Variants in FBLN5 observed in about 807,000 individuals in gnomAD.
FBLN5 encodes fibulin 5, also known as fibulin-5.
A neutral mutation model predicts 61.6 loss-of-function variants in FBLN5; 24 were observed. The ratio of observed to expected loss-of-function variants is 0.39; its 90% confidence interval spans 0.28 to 0.55. The LOEUF is 0.55. Ranked by LOEUF, FBLN5 falls within the 20% of genes least tolerant of loss-of-function variation. The probability of loss-of-function intolerance (pLI) is 0.65; values close to 1 mark genes in which losing one functional copy is unlikely to be tolerated. For missense variants in FBLN5, 470 were observed against 594.1 expected, an observed-to-expected ratio of 0.79 and a Z score of 2.17; for synonymous variants, 213 against 219.8, an observed-to-expected ratio of 0.97 and a Z score of 0.27.
chr14:91,924,881 C>T (rs1186540304), intron 4 of FBLN5, among the ~76,000 whole-genome samples: 2 of 152,174 alleles, frequency 1.3e-5, no homozygotes, highest in Admixed American at 6.5e-5. Flanking sequence ...GAGAAGGCCA[C>T]CCCTCACTCA....
chr14:91,884,750 G>A (rs1314457540), intron 7 of FBLN5, among the ~76,000 whole-genome samples: 1 of 152,260 alleles, frequency 6.6e-6, no homozygotes, highest in Non-Finnish European at 1.5e-5. Context: ...AAGCACCCAA[G>A]CAGGGTTAGC....
chr14:91,874,056 G>C (rs1426758389), intron 10 of FBLN5: 2 of 152,214 alleles, frequency 1.3e-5, no homozygotes, highest in East Asian at 3.9e-4. Context: ...TTATGAATGG[G>C]CTTGTGTGTG....
chr14:91,900,773 TGCCAGCCTGACTGCCTGGCA>T (rs779696641), intron 4 of FBLN5, among the ~76,000 whole-genome samples: 76 of 152,214 alleles, frequency 5.0e-4, no homozygotes, highest in Non-Finnish European at 9.4e-4. Flanking sequence ...GGAGCACAGG[TGCCAGCCTGACTGCCTGGCA>T]CATAGCTCCC....
intron 3 of FBLN5, among the ~76,000 whole-genome samples, chr14:91,938,639 T>C (rs1183391019): frequency 1.3e-5 from 2 of 151,992 alleles, no homozygotes; most frequent in Non-Finnish European, 2.9e-5. Flanking sequence ...CTCTAGAAAA[T>C]CAGCCTTGCT....
At chr14:91,940,963 C>T (rs1186751166) in intron 2 of FBLN5, among the ~76,000 whole-genome samples, 1 of 152,026 alleles carries the variant, frequency 6.6e-6, no homozygotes, top group Non-Finnish European at 1.5e-5. Flanking sequence ...AAAAAAAACT[C>T]CCTGTACCAT....
intron 4 of FBLN5, among the ~76,000 whole-genome samples, chr14:91,910,246 A>G (rs1890861972): frequency 6.6e-6 from 1 of 152,246 alleles, no homozygotes; most frequent in Non-Finnish European, 1.5e-5. Context: ...GCTTGGGGAC[A>G]GTATGCTAAG....
At position 91,881,289 on chromosome 14, in the gene FBLN5, T is replaced by A. The variant is rs1391374204; in HGVS notation, c.989+3A>T. ...TATTCCCCAGGGGGACGCCGTGACT[T>A]ACTTATCACTGATCCTCAGATAAGG... On this transcript the variant is annotated splice_donor_region_variant and intron_variant, in intron 9 of 10. Transcript: ENST00000342058. 1 of 1,614,118 alleles carries A rather than the reference T, an allele frequency of 6.2e-7. No individual in the cohort carries two copies. The highest frequency in any genetic ancestry group is 2.2e-5 in the East Asian group (1 of 44,878).
rs575769930 is a variant in FBLN5, at chr14:91,935,574, A to G, written c.379+1373T>C. Among the ~76,000 whole-genome samples the G allele has an allele frequency of 7.0e-4, 107 of 152,140 alleles. 2 individuals are homozygous for G. Among genetic ancestry groups the G allele is most frequent in the Non-Finnish European group, 2.6e-4 (18 of 68,008 alleles). On this transcript the variant is annotated intron_variant, in intron 4 of 10. Coordinates refer to ENST00000342058, the MANE Select transcript of FBLN5 (RefSeq NM_006329.4). ...TACCAGATAGGAGAGGTCATTTCCT[A>G]TAGTTAGGAGATTGTAGACAGGGGA...
intron 6 of FBLN5, among the ~76,000 whole-genome samples, chr14:91,888,094 T>C (rs1380401640): frequency 6.7e-6 from 1 of 149,338 alleles, no homozygotes; most frequent in East Asian, 2.0e-4. Context: ...AGCCCAGGAG[T>C]TTGAGACCAA....
At chr14:91,895,239 G>A (rs1890174381) in intron 4 of FBLN5, among the ~76,000 whole-genome samples, 167 bp from the exon 5 acceptor site, 1 of 152,180 alleles carries the variant, frequency 6.6e-6, no homozygotes, top group African/African-American at 2.4e-5. Context: ...AGGAGACACT[G>A]ACCTCTACTG....
intron 10 of FBLN5, among the ~76,000 whole-genome samples, chr14:91,876,490 T>G (rs185354756): frequency 6.6e-6 from 1 of 152,290 alleles, no homozygotes; most frequent in African/African-American, 2.4e-5. Flanking sequence ...CAGATGTGAT[T>G]AAGAATCTGG....
chr14:91,926,677 T>C (rs111584272), intron 4 of FBLN5, among the ~76,000 whole-genome samples: 16 of 152,024 alleles, frequency 1.1e-4, no homozygotes, highest in African/African-American at 3.9e-4. Flanking sequence ...AACAAGCACC[T>C]GCCACGTGTC....
rs896157646 is a variant in FBLN5 at position 91,943,015 on chromosome 14, G to A, written c.18-54C>T. The A allele has an allele frequency of 1.4e-5, 17 of 1,236,418 alleles. No individual in the cohort carries two copies. Among genetic ancestry groups the A allele is most frequent in the Non-Finnish European group, 1.9e-5 (16 of 858,454 alleles). The allele number at this position is 1,236,418 out of a possible 1,614,324, so 76.6% of individuals were successfully genotyped here. ...GCCCAAGACAGATTCAGGTCTAGGG[G>A]AGTGTGGGTCGCATGCGGCCCGTGA... On this transcript the variant is annotated intron_variant, in intron 1 of 10. Coordinates refer to ENST00000342058, the MANE Select transcript of FBLN5 (RefSeq NM_006329.4). This position sits in a 1 kb window ranked among gnomAD's most constrained non-coding sequence, Gnocchi z 4.0.
chr14:91,921,375 C>A (rs546904649), intron 4 of FBLN5, among the ~76,000 whole-genome samples: 4 of 152,096 alleles, frequency 2.6e-5, no homozygotes, highest in Non-Finnish European at 5.9e-5. Context: ...TAGCAAGCAC[C>A]AACTATGGGC....
chr14:91,939,051 A>G (rs752094927), intron 3 of FBLN5, among the ~76,000 whole-genome samples: 4 of 152,170 alleles, frequency 2.6e-5, no homozygotes, highest in Non-Finnish European at 5.9e-5. Context: ...GATTTTTCAA[A>G]CCATCTATCT....
intron 4 of FBLN5, among the ~76,000 whole-genome samples, chr14:91,895,711 T>C (rs1354682295): frequency 6.8e-6 from 1 of 147,536 alleles, no homozygotes; most frequent in Admixed American, 6.9e-5. Flanking sequence ...GCTGGGAGGA[T>C]CGTTTGAGCC....
intron 4 of FBLN5, among the ~76,000 whole-genome samples, chr14:91,905,546 C>T (rs369004074): frequency 1.1e-4 from 16 of 150,888 alleles, no homozygotes; most frequent in South Asian, 6.3e-4. Flanking sequence ...TAACAAGTTA[C>T]GAGAAACAGG....
At chr14:91,931,809 G>A (rs2055929027) in intron 4 of FBLN5, among the ~76,000 whole-genome samples, 2 of 152,168 alleles carry the variant, frequency 1.3e-5, no homozygotes, top group African/African-American at 4.8e-5. Context: ...TGGCGGCCAC[G>A]TTCAGGGACC....
At chr14:91,899,488 GCAC>G (rs1439264621) in intron 4 of FBLN5, among the ~76,000 whole-genome samples, 4 of 152,224 alleles carry the variant, frequency 2.6e-5, no homozygotes, top group Non-Finnish European at 5.9e-5. Context: ...GCATCAAGCA[GCAC>G]AGCTCTGGTG....
Sources: allele counts gnomAD v4.1 joint callset (sites outside exome capture counted in the v4.1 genomes callset), GRCh38; gene constraint gnomAD v4.1.1; non-coding constraint Gnocchi (gnomAD v3.1); transcripts MANE v1.5; gene names NCBI Gene and HGNC (gene_info 2026-07-23, HGNC 2026-07-21).